The following KCNK2 variants were observed in gnomAD, a reference collection of about 807,000 sequenced individuals.
The protein encoded by KCNK2 is potassium channel subfamily K member 2.
A neutral mutation model predicts 40.5 loss-of-function variants in KCNK2; 21 were observed. The observed-to-expected ratio is 0.52, with a 90% confidence interval of 0.37 to 0.75. The LOEUF (loss-of-function observed/expected upper bound fraction) is 0.75. Among genes scored for constraint, KCNK2 ranks in the 30% least tolerant of loss-of-function variants. KCNK2 has a pLI of 0.00. For missense variants in KCNK2, 399 were observed against 531.6 expected (o/e 0.75, Z 2.45); for synonymous variants, 191 against 202.2 (o/e 0.94, Z 0.47).
chr1:215,050,559 AAG>A (rs1437167436), intron 1 of KCNK2, among the ~76,000 whole-genome samples: 2 of 152,214 alleles, frequency 1.3e-5, no homozygotes, highest in Non-Finnish European at 2.9e-5. Flanking sequence ...GAGAAATAAA[AAG>A]AGAGACAGAA....
chr1:215,026,481 C>G (rs1213631177), intron 1 of KCNK2, among the ~76,000 whole-genome samples: 1 of 151,824 alleles, frequency 6.6e-6, no homozygotes, highest in East Asian at 1.9e-4. Context: ...TGAATAGCGG[C>G]TTGGGGAGAA....
intron 2 of KCNK2, among the ~76,000 whole-genome samples, chr1:215,101,341 G>A (rs910514327): frequency 6.6e-6 from 1 of 152,000 alleles, no homozygotes; most frequent in Non-Finnish European, 1.5e-5. Context: ...GTTGAGAAAA[G>A]TTTTCTGTGA....
At chr1:215,204,037 CAAAAAAAAAA>C (rs71167813) in intron 6 of KCNK2, among the ~76,000 whole-genome samples, 4 of 53,186 alleles carry the variant, frequency 7.5e-5, no homozygotes, top group Non-Finnish European at 1.1e-4. Flanking sequence ...GACTCCGTCT[CAAAAAAAAAA>C]AAAAAAAAAA....
intron 3 of KCNK2, among the ~76,000 whole-genome samples, chr1:215,131,085 C>T (rs1209266806): frequency 9.3e-5 from 14 of 150,906 alleles, no homozygotes; most frequent in Admixed American, 8.6e-4. Flanking sequence ...TGGTCTCGAT[C>T]TCCTGACCTT....
intron 5 of KCNK2, among the ~76,000 whole-genome samples, chr1:215,177,738 A>ATTTTTTT (rs1232317385): frequency 9.6e-5 from 5 of 51,920 alleles, no homozygotes; most frequent in East Asian, 4.6e-4. Context: ...ATATATATAT[A>ATTTTTTT]TATTTTTTTT....
At chr1:215,156,922 G>C (rs1044768185) in intron 3 of KCNK2, among the ~76,000 whole-genome samples, 1 of 152,074 alleles carries the variant, frequency 6.6e-6, no homozygotes, top group Non-Finnish European at 1.5e-5. Flanking sequence ...GTGGTGGCTC[G>C]TGCCTGTAAT....
intron 6 of KCNK2, among the ~76,000 whole-genome samples, chr1:215,216,270 G>T (rs1006271947): frequency 2.7e-5 from 4 of 150,900 alleles, no homozygotes; most frequent in Admixed American, 2.6e-4. Flanking sequence ...ATGATTTATT[G>T]TAGTCCAGTT....
chr1:215,064,373 T>A (rs1486439651), intron 1 of KCNK2, among the ~76,000 whole-genome samples: 1 of 151,958 alleles, frequency 6.6e-6, no homozygotes, highest in Non-Finnish European at 1.5e-5. Context: ...GTGTGTGTAA[T>A]ATGAATCCAA....
intron 1 of KCNK2, among the ~76,000 whole-genome samples, chr1:215,006,923 G>T (rs1656145591): frequency 7.0e-6 from 1 of 142,774 alleles, no homozygotes; most frequent in Admixed American, 7.2e-5. Context: ...GCTATTCTTG[G>T]TTGTTTTTCT....
At position 215,125,739 on chromosome 1, in the gene KCNK2, AATATATATATATATATATATAT is replaced by A. The variant is rs66622204; in HGVS notation, c.475+1007_475+1028del. Reference sequence around the variant, plus strand: ...GTACCCTAGAACTTGAAGTATAATAAATATATATATATATATATATATATATATATATATATATAAAATAAAA... The same window carrying A: ...GTACCCTAGAACTTGAAGTATAATAAATATATATATATATATAAAATAAAA... On this transcript the variant is annotated intron_variant, in intron 3 of 6. Transcript: ENST00000444842. Among the ~76,000 whole-genome samples, 92 of 124,314 alleles carry A rather than the reference AATATATATATATATATATATAT, an allele frequency of 7.4e-4. 1 individual carries two copies. The highest frequency in any genetic ancestry group is 2.3e-3 in the African/African-American group (76 of 33,344). 81.6% of individuals were successfully genotyped at this position (124,314 alleles called of 152,430 possible).
intron 3 of KCNK2, among the ~76,000 whole-genome samples, chr1:215,133,169 A>T (rs983404636): frequency 9.9e-5 from 15 of 152,228 alleles, no homozygotes; most frequent in Non-Finnish European, 1.9e-4. Flanking sequence ...GTGTAATTCA[A>T]GTCAGGAATT....
chr1:215,174,553 A>G (rs1370168948), intron 5 of KCNK2, among the ~76,000 whole-genome samples: 1 of 152,158 alleles, frequency 6.6e-6, no homozygotes, highest in Non-Finnish European at 1.5e-5. Context: ...TCTATAAATT[A>G]CCTTGGGCAG....
At chr1:215,147,672 C>CA (rs1662488221) in intron 3 of KCNK2, among the ~76,000 whole-genome samples, 1 of 151,970 alleles carries the variant, frequency 6.6e-6, no homozygotes. Flanking sequence ...TCTATACTAA[C>CA]AAAAACACAA....
chr1:215,043,762 C>T (rs983415789), intron 1 of KCNK2, among the ~76,000 whole-genome samples: 2 of 152,058 alleles, frequency 1.3e-5, no homozygotes, highest in Non-Finnish European at 2.9e-5. Context: ...ATGCCATATA[C>T]TGTATACTTA....
chr1:215,086,310 C>T (rs777645336), intron 1 of KCNK2, 58 bp from the exon 2 acceptor site: 7 of 1,397,148 alleles, frequency 5.0e-6, no homozygotes, highest in Middle Eastern at 4.6e-4. Flanking sequence ...AAAGAAGAAG[C>T]CCGACCAATT....
rs1017845619 is a variant in KCNK2 at position 215,169,186 on chromosome 1, A to G, written c.476-13A>G. 2.5e-6 allele frequency: 4 copies of G among 1,583,482 alleles called. No individual in the cohort carries two copies. Among genetic ancestry groups the G allele is most frequent in the Admixed American group, 3.7e-5 (2 of 53,548 alleles). On this transcript the variant is annotated splice_polypyrimidine_tract_variant and intron_variant, in intron 3 of 6. Transcript: ENST00000444842. ...ACTATTATTCATTTGTAAACAATGT[A>G]ATTTTTTTAAAGGATTTGGAAACAT...
intron 1 of KCNK2, among the ~76,000 whole-genome samples, chr1:215,049,686 G>A (rs1158788021): frequency 6.6e-6 from 1 of 152,066 alleles, no homozygotes; most frequent in African/African-American, 2.4e-5. Context: ...ATGAGGTTTA[G>A]ATTTAGGTTA....
intron 1 of KCNK2, among the ~76,000 whole-genome samples, chr1:215,010,864 T>G (rs368315568): frequency 0.25 from 33,941 of 137,784 alleles, 5,838 homozygotes; most frequent in African/African-American, 0.5. Context: ...TTTTTTTTTT[T>G]TTTTTGTGTG....
intron 6 of KCNK2, among the ~76,000 whole-genome samples, chr1:215,214,733 G>A (rs1665887791): frequency 6.6e-6 from 1 of 152,126 alleles, no homozygotes; most frequent in Admixed American, 6.5e-5. Flanking sequence ...GGCTGAGGTG[G>A]GAGGATGGCT....
Sources: allele counts gnomAD v4.1 joint callset (sites outside exome capture counted in the v4.1 genomes callset), GRCh38; gene constraint gnomAD v4.1.1; transcripts MANE v1.5; gene names NCBI Gene and HGNC (gene_info 2026-07-23, HGNC 2026-07-21).